Variants in CACNB4 observed in about 807,000 individuals in gnomAD.
CACNB4 encodes voltage-dependent L-type calcium channel subunit beta-4.
CACNB4 carries 32 observed loss-of-function variants against 71.2 expected under a neutral mutation model. That is an observed-to-expected ratio of 0.45 (90% CI 0.34 to 0.60). The LOEUF is 0.60. Ranked by LOEUF, CACNB4 falls within the 20% of genes least tolerant of loss-of-function variation. The pLI, the probability that CACNB4 is intolerant of heterozygous loss-of-function variation, is 0.01. For missense variants in CACNB4, 464 were observed against 647.9 expected (o/e 0.72, Z 3.08); for synonymous variants, 231 against 236.9 (o/e 0.97, Z 0.23).
At chr2:151,891,855 C>A (rs2099850789) in intron 2 of CACNB4, among the ~76,000 whole-genome samples, 1 of 152,192 alleles carries the variant, frequency 6.6e-6, no homozygotes, top group Non-Finnish European at 1.5e-5. Flanking sequence ...AGAATAACAA[C>A]ATGGGACACT....
At chr2:152,019,930 G>A (rs1683562737) in intron 2 of CACNB4, among the ~76,000 whole-genome samples, 2 of 152,232 alleles carry the variant, frequency 1.3e-5, no homozygotes, top group Admixed American at 1.3e-4. Context: ...AAAAGAGGAA[G>A]AGGAATCTTT....
intron 2 of CACNB4, among the ~76,000 whole-genome samples, chr2:151,938,930 T>C (rs1286520466): frequency 2.6e-5 from 4 of 152,238 alleles, no homozygotes; most frequent in African/African-American, 9.6e-5. Flanking sequence ...TTAAGTTCTA[T>C]CAGCTCTGCC....
Position 151,845,183 on chromosome 2 carries a change from A to G in CACNB4, c.1117-3095T>C, listed in dbSNP as rs575074879. On this transcript the variant is annotated intron_variant, in intron 12 of 13. Coordinates refer to ENST00000539935, the MANE Select transcript of CACNB4 (RefSeq NM_000726.5). The stretch of plus-strand genomic sequence containing the variant: ...TTTAATAAAGCACTTCTCTTTGCCA[A>G]TGAATGGATAGAATTTGTATATATC... 5.0e-4 allele frequency among the ~76,000 whole-genome samples: 76 copies of G among 152,346 alleles called. 2 individuals are homozygous for G. In the South Asian group the frequency reaches 0.013, roughly 27 times the overall value.
At chr2:151,876,399 A>G in intron 5 of CACNB4, 27 bp downstream of exon 5, 1 of 1,582,064 alleles carries the variant, frequency 6.3e-7, no homozygotes, top group South Asian at 1.2e-5. Context: ...GACCAAAAAA[A>G]AGTGCATAGA....
intron 2 of CACNB4, among the ~76,000 whole-genome samples, chr2:152,031,674 C>A (rs1442567980): frequency 1.3e-5 from 2 of 152,120 alleles, no homozygotes; most frequent in African/African-American, 4.8e-5. Context: ...CCCCTCCCGG[C>A]CGCCATTAAT....
chr2:151,842,155 A>G, intron 12 of CACNB4, 67 bp from the exon 13 acceptor site: 1 of 1,324,506 alleles, frequency 7.5e-7, no homozygotes, highest in Non-Finnish European at 1.1e-6. Flanking sequence ...CTAAAATTCC[A>G]CTTAACACAG....
intron 2 of CACNB4, among the ~76,000 whole-genome samples, chr2:151,917,318 C>T (rs1310530062): frequency 6.6e-6 from 1 of 152,082 alleles, no homozygotes; most frequent in Non-Finnish European, 1.5e-5. Flanking sequence ...AGTATAATCC[C>T]TATATAAGAC....
chr2:151,841,784 A>C (rs2099836292), intron 13 of CACNB4, 119 bp downstream of exon 13: 2 of 814,698 alleles, frequency 2.5e-6, no homozygotes, highest in Non-Finnish European at 4.0e-6. Flanking sequence ...TTTTAAATAT[A>C]ATGTGCACAT....
intron 2 of CACNB4, among the ~76,000 whole-genome samples, chr2:152,005,585 G>A (rs1318723643): frequency 6.6e-6 from 1 of 152,142 alleles, no homozygotes; most frequent in Admixed American, 6.5e-5. Context: ...TGGGTGAAGG[G>A]ATCCATAGAA....
intron 2 of CACNB4, among the ~76,000 whole-genome samples, chr2:151,937,141 G>A (rs1236423632): frequency 6.6e-6 from 1 of 152,132 alleles, no homozygotes; most frequent in East Asian, 1.9e-4. Context: ...TTTCTCATCG[G>A]AAACCACTGA....
At chr2:152,087,768 A>T (rs574434905) in intron 2 of CACNB4, among the ~76,000 whole-genome samples, 10 of 152,140 alleles carry the variant, frequency 6.6e-5, no homozygotes, top group Non-Finnish European at 1.3e-4. Context: ...AGTCCCAGCT[A>T]CTTGGGAGAC....
chr2:151,941,703 AT>A (rs1232480805), intron 2 of CACNB4, among the ~76,000 whole-genome samples: 1 of 152,208 alleles, frequency 6.6e-6, no homozygotes, highest in Non-Finnish European at 1.5e-5. Context: ...TCCAACAGGT[AT>A]TTACCAAGTG....
At chr2:151,893,483 C>CT (rs1031171579) in intron 2 of CACNB4, among the ~76,000 whole-genome samples, 3 of 152,142 alleles carry the variant, frequency 2.0e-5, no homozygotes, top group African/African-American at 7.2e-5. Context: ...CTCAAGCAAT[C>CT]TATCCACCTC....
chr2:151,938,649 A>AT (rs1168619679), intron 2 of CACNB4, among the ~76,000 whole-genome samples: 1 of 152,290 alleles, frequency 6.6e-6, no homozygotes, highest in East Asian at 1.9e-4. Context: ...AGAATACAAG[A>AT]TTTTTTTAAA....
chr2:151,955,379 T>C lies in CACNB4; in HGVS notation c.148-72009A>G, dbSNP rs182653622. Reference sequence around the variant, plus strand: ...TTTTAATTCATTCTCTACCCTTGCATAGTTGGAGTTGAGGGAAGGAAGGCA... The same window carrying C: ...TTTTAATTCATTCTCTACCCTTGCACAGTTGGAGTTGAGGGAAGGAAGGCA... On this transcript the variant is annotated intron_variant, in intron 2 of 13. Coordinates refer to ENST00000539935, the MANE Select transcript of CACNB4 (RefSeq NM_000726.5). Among the ~76,000 whole-genome samples the C allele has an allele frequency of 6.3e-3, 955 of 152,268 alleles. 5 individuals are homozygous for C. The highest frequency in any genetic ancestry group is 9.4e-3 in the Non-Finnish European group (641 of 68,000).
chr2:151,848,379 G>T (rs772729861), intron 12 of CACNB4, among the ~76,000 whole-genome samples: 1 of 152,134 alleles, frequency 6.6e-6, no homozygotes, highest in Non-Finnish European at 1.5e-5. Context: ...GACATCCAGG[G>T]GCTGTGAATA....
chr2:152,020,899 C>T (rs544980744), intron 2 of CACNB4, among the ~76,000 whole-genome samples: 5 of 152,304 alleles, frequency 3.3e-5, no homozygotes, highest in Admixed American at 1.3e-4. Flanking sequence ...GCATTCAAGG[C>T]TTATCCCCAA....
At chr2:152,016,106 T>A (rs1405689770) in intron 2 of CACNB4, among the ~76,000 whole-genome samples, 1 of 152,230 alleles carries the variant, frequency 6.6e-6, no homozygotes, top group East Asian at 1.9e-4. Flanking sequence ...AACTATATAG[T>A]GCATCTGCTA....
Position 152,098,583 on chromosome 2 carries a change from C to CCCAAA in CACNB4, c.64-171_64-170insTTTGG. 1 of 1,018,184 alleles carries CCCAAA rather than the reference C, an allele frequency of 9.8e-7. No homozygotes were observed. The highest frequency in any genetic ancestry group is 1.5e-6 in the Non-Finnish European group (1 of 659,026). 63.1% of individuals were successfully genotyped at this position (1,018,184 alleles called of 1,614,324 possible). A position where few individuals can be genotyped will look rare whatever the true frequency, so the allele number is the denominator to read the frequency against. On this transcript the variant is annotated intron_variant, in intron 1 of 13. Coordinates refer to ENST00000539935, the MANE Select transcript of CACNB4 (RefSeq NM_000726.5). The surrounding 1 kb of genome is among the most constrained non-coding windows in gnomAD (Gnocchi z 5.3). The stretch of plus-strand genomic sequence containing the variant: ...AATACAGCCCCCACCCCCACCCACC[C>CCCAAA]ACTGCAAGCCTCGACTGCTGAAAAG...
Sources: allele counts gnomAD v4.1 joint callset (sites outside exome capture counted in the v4.1 genomes callset), GRCh38; gene constraint gnomAD v4.1.1; non-coding constraint Gnocchi (gnomAD v3.1); transcripts MANE v1.5; gene names NCBI Gene and HGNC (gene_info 2026-07-23, HGNC 2026-07-21).